EYS: variants seen among roughly 807,000 people sequenced by gnomAD.
EYS encodes the protein protein eyes shut homolog.
A neutral mutation model predicts 282.1 loss-of-function variants in EYS; 250 were observed. The ratio of observed to expected loss-of-function variants is 0.89; its 90% CI spans 0.80 to 0.98. The LOEUF (loss-of-function observed/expected upper bound fraction) is 0.98, where lower values mean the gene tolerates loss of function less well. Among genes scored for constraint, EYS ranks in the 50% least tolerant of loss-of-function variants. The pLI is 0.00. For missense variants in EYS, 4,016 were observed against 3,709.0 expected, an observed-to-expected ratio of 1.08 and a Z score of -2.15; for synonymous variants, 1,355 against 1,282.9, an observed-to-expected ratio of 1.06 and a Z score of -1.20.
intron 35 of EYS, among the ~76,000 whole-genome samples, chr6:63,945,449 A>AT (rs1178071117): frequency 1.7e-4 from 26 of 152,270 alleles, no homozygotes; most frequent in African/African-American, 6.3e-4. Flanking sequence ...CAGCCAAACC[A>AT]TATCAGCCAT....
chr6:65,047,109 T>A (rs1025744674), intron 13 of EYS, among the ~76,000 whole-genome samples: 1 of 151,770 alleles, frequency 6.6e-6, no homozygotes, highest in Non-Finnish European at 1.5e-5. Flanking sequence ...TTTTTTTTTT[T>A]TATAAACTAC....
At chr6:64,278,997 TC>T (rs1442196390) in intron 30 of EYS, among the ~76,000 whole-genome samples, 1 of 152,170 alleles carries the variant, frequency 6.6e-6, no homozygotes, top group Non-Finnish European at 1.5e-5. Flanking sequence ...CTTGCAATCC[TC>T]CCAACTCAAC....
At chr6:64,520,632 C>A (rs1207099088) in intron 26 of EYS, among the ~76,000 whole-genome samples, 1 of 151,634 alleles carries the variant, frequency 6.6e-6, no homozygotes, top group Admixed American at 6.6e-5. Context: ...AAAAAAAATT[C>A]TGTTTCATTC....
At chr6:64,789,680 C>T (rs1419647164) in intron 22 of EYS, among the ~76,000 whole-genome samples, 5 of 152,058 alleles carry the variant, frequency 3.3e-5, no homozygotes, top group African/African-American at 9.7e-5. Flanking sequence ...TTCCCCTGTA[C>T]ACCACTTCCT....
chr6:64,661,481 C>T (rs1175018615), intron 22 of EYS, among the ~76,000 whole-genome samples: 1 of 152,138 alleles, frequency 6.6e-6, no homozygotes. Context: ...TTTTTGCAAT[C>T]TACTCATCTG....
At chr6:65,214,340 T>C (rs1002969508) in intron 12 of EYS, among the ~76,000 whole-genome samples, 2 of 152,112 alleles carry the variant, frequency 1.3e-5, no homozygotes, top group Non-Finnish European at 2.9e-5. Flanking sequence ...ATTACTGATA[T>C]GGAGAAAGTT....
At position 65,249,637 on chromosome 6, in the gene EYS, TA is replaced by T. The variant is rs373176522; in HGVS notation, c.2023+46225del. Among the ~76,000 whole-genome samples, 32 of 151,434 alleles carry T rather than the reference TA, an allele frequency of 2.1e-4. No homozygotes were observed. The East Asian group carries it at 4.5e-3, about 21-fold the overall frequency. On this transcript the variant is annotated intron_variant, in intron 12 of 42. Coordinates refer to ENST00000503581, the MANE Select transcript of EYS (RefSeq NM_001142800.2). ...AGTCTCTTGTCTGCGAACACAAAAA[TA>T]ATGTATAAAAATTGTTGGAAATTTA...
intron 26 of EYS, among the ~76,000 whole-genome samples, chr6:64,492,470 T>C (rs2150506634): frequency 1.4e-5 from 2 of 142,928 alleles, no homozygotes; most frequent in South Asian, 4.5e-4. Flanking sequence ...TCCTGTTTTT[T>C]TGTTGTTGTT....
chr6:64,061,761 G>A (rs1186735129), intron 33 of EYS, among the ~76,000 whole-genome samples: 1 of 152,124 alleles, frequency 6.6e-6, no homozygotes, highest in African/African-American at 2.4e-5. Context: ...GGGCCGTGGA[G>A]GGTGGATCAC....
intron 33 of EYS, among the ~76,000 whole-genome samples, chr6:64,010,422 G>A (rs1337376275): frequency 6.6e-6 from 1 of 151,738 alleles, no homozygotes; most frequent in African/African-American, 2.4e-5. Context: ...GTGGAGAGAA[G>A]GGGGACAGGG....
rs769161154 is a variant in EYS at position 63,975,490 on chromosome 6, C to T, written c.7055+8893G>A. Among the ~76,000 whole-genome samples, 11 of 152,030 alleles carry T rather than the reference C, an allele frequency of 7.2e-5. No individual in the cohort carries two copies. The South Asian group carries it at 8.3e-4, about 11-fold the overall frequency. ...ATTACCAGAATGTTTTGTTGTGATG[C>T]GTTACTTTTTGTTTAAGTAACAGTG... On this transcript the variant is annotated intron_variant, in intron 35 of 42. Transcript: ENST00000503581.
chr6:64,866,443 T>G (rs1396687430), intron 19 of EYS, among the ~76,000 whole-genome samples: 1 of 151,860 alleles, frequency 6.6e-6, no homozygotes, highest in Non-Finnish European at 1.5e-5. Flanking sequence ...TCAGGTTTTT[T>G]CTTTAAATTT....
chr6:65,190,961 T>A (rs943738671), intron 12 of EYS, among the ~76,000 whole-genome samples: 1 of 151,744 alleles, frequency 6.6e-6, no homozygotes, highest in Non-Finnish European at 1.5e-5. Flanking sequence ...AGAATGACAA[T>A]CTGTATGCTA....
intron 36 of EYS, among the ~76,000 whole-genome samples, chr6:63,849,531 C>T (rs145839578): frequency 3.5e-4 from 53 of 152,306 alleles, no homozygotes; most frequent in African/African-American, 1.3e-3. Flanking sequence ...CCCATGCAAA[C>T]AGTGTCAGGA....
At chr6:64,388,379 C>T (rs897340223) in intron 29 of EYS, among the ~76,000 whole-genome samples, 1 of 152,090 alleles carries the variant, frequency 6.6e-6, no homozygotes, top group African/African-American at 2.4e-5. Flanking sequence ...GTGAAAATCA[C>T]TATCTTAGTG....
intron 35 of EYS, among the ~76,000 whole-genome samples, chr6:63,964,083 C>T (rs57513302): frequency 6.6e-6 from 1 of 152,112 alleles, no homozygotes; most frequent in Non-Finnish European, 1.5e-5. Context: ...AGAACAGTAA[C>T]AGTTTTTTTT....
intron 31 of EYS, among the ~76,000 whole-genome samples, chr6:64,207,303 C>T (rs564939119): frequency 6.6e-5 from 10 of 151,976 alleles, no homozygotes; most frequent in Middle Eastern, 3.4e-3. Context: ...CATGGGATAA[C>T]GTAACACAAA....
intron 39 of EYS, among the ~76,000 whole-genome samples, chr6:63,780,712 G>C (rs964585688): frequency 2.0e-5 from 3 of 152,178 alleles, no homozygotes; most frequent in African/African-American, 7.2e-5. Context: ...TGTTCACTCT[G>C]ATGGTAGTTT....
chr6:64,466,370 A>G (rs1271129895), intron 26 of EYS, among the ~76,000 whole-genome samples: 4 of 152,126 alleles, frequency 2.6e-5, no homozygotes, highest in Non-Finnish European at 5.9e-5. Context: ...CAATGGATGA[A>G]TGGATAAAGA....
Sources: gnomAD v4.1 joint callset for allele counts (sites outside exome capture counted in the v4.1 genomes callset) on GRCh38, gnomAD v4.1.1 for gene constraint, MANE v1.5 for transcripts, NCBI Gene and HGNC (gene_info 2026-07-23, HGNC 2026-07-21) for gene names.